The following EXOC4 variants were observed in gnomAD, a reference collection of about 807,000 sequenced individuals.
EXOC4 encodes SEC8-like 1.
EXOC4 carries 71 observed loss-of-function variants against 107.2 expected under a neutral mutation model. The ratio of observed to expected loss-of-function variants is 0.66; its 90% confidence interval spans 0.55 to 0.81. The LOEUF (loss-of-function observed/expected upper bound fraction) is 0.81, where lower values mean the gene tolerates loss of function less well. Among genes scored for constraint, EXOC4 ranks in the 30% least tolerant of loss-of-function variants. The pLI is 0.00. For synonymous variants in EXOC4, 456 were observed against 441.2 expected, an observed-to-expected ratio of 1.03 and a Z score of -0.42; for missense variants, 1,108 against 1,189.6, an observed-to-expected ratio of 0.93 and a Z score of 1.01.
At chr7:133,499,781 A>T (rs995827025) in intron 9 of EXOC4, among the ~76,000 whole-genome samples, 1 of 152,106 alleles carries the variant, frequency 6.6e-6, no homozygotes, top group Non-Finnish European at 1.5e-5. Flanking sequence ...TGCTCATGCC[A>T]TGTAAGAAGC....
Position 133,415,975 on chromosome 7 carries a change from T to C in EXOC4, c.1182+40973T>C, listed in dbSNP as rs187797105. Reference sequence around the variant, plus strand: ...TCTAAGTTGGAGAATCATTTATTAGTACAGATACTAAGGAAAGGTTGTCAA... The same window carrying C: ...TCTAAGTTGGAGAATCATTTATTAGCACAGATACTAAGGAAAGGTTGTCAA... On this transcript the variant is annotated intron_variant, in intron 7 of 17. Coordinates refer to ENST00000253861, the MANE Select transcript of EXOC4 (RefSeq NM_021807.4). 3.3e-5 allele frequency among the ~76,000 whole-genome samples: 5 copies of C among 152,266 alleles called. No individual in the cohort carries two copies. The East Asian group carries it at 9.7e-4, about 29-fold the overall frequency.
At chr7:133,895,829 G>C in intron 12 of EXOC4, 94 bp downstream of exon 12, 2 of 1,358,068 alleles carry the variant, frequency 1.5e-6, no homozygotes, top group Non-Finnish European at 2.0e-6. Flanking sequence ...TTTCCAAAAG[G>C]ATCATCTCTG....
chr7:133,861,483 C>T (rs1489616013), intron 11 of EXOC4, among the ~76,000 whole-genome samples: 1 of 152,284 alleles, frequency 6.6e-6, no homozygotes, highest in East Asian at 1.9e-4. Flanking sequence ...CCCACAGATT[C>T]TGATTCTCTG....
intron 7 of EXOC4, among the ~76,000 whole-genome samples, chr7:133,432,588 G>A (rs947543082): frequency 8.5e-5 from 13 of 152,138 alleles, no homozygotes; most frequent in Admixed American, 2.6e-4. Flanking sequence ...CTGGTATGTG[G>A]TTGATAAGTT....
intron 11 of EXOC4, among the ~76,000 whole-genome samples, chr7:133,855,082 A>AATATATATATATATAT (rs1293998031): frequency 1.3e-5 from 1 of 76,758 alleles, no homozygotes; most frequent in African/African-American, 8.5e-5. Flanking sequence ...AATATATCTA[A>AATATATATATATATAT]ATATATATAA....
chr7:133,476,883 C>T (rs1353643691), intron 8 of EXOC4, among the ~76,000 whole-genome samples: 1 of 152,150 alleles, frequency 6.6e-6, no homozygotes, highest in Admixed American at 6.5e-5. Context: ...CCATCCTCAA[C>T]ACATTAGTAA....
In EXOC4 at chr7:133,576,754, T is replaced by C. The variant is rs1278628177; in HGVS notation, c.1418-53291T>C. On this transcript the variant is annotated intron_variant, in intron 9 of 17. Coordinates refer to ENST00000253861, the MANE Select transcript of EXOC4 (RefSeq NM_021807.4). ...GAGGATATTGGTCTACAGGGTACTA[T>C]TGGAGAGGTAACTGTGAGGCTTTTA... The C allele has an allele frequency of 3.1e-6, 4 of 1,289,588 alleles. No individual in the cohort carries two copies. In the African/African-American group the frequency reaches 4.6e-5, roughly 15 times the overall value. The allele number at this position is 1,289,588 out of a possible 1,614,324, so 79.9% of individuals were successfully genotyped here.
chr7:133,831,857 G>A (rs1797818219), intron 11 of EXOC4, among the ~76,000 whole-genome samples: 1 of 152,060 alleles, frequency 6.6e-6, no homozygotes, highest in African/African-American at 2.4e-5. Flanking sequence ...ATTTACGTCT[G>A]TATTAAGCTA....
At chr7:133,289,989 A>G (rs986562647) in intron 3 of EXOC4, among the ~76,000 whole-genome samples, 37 of 152,336 alleles carry the variant, frequency 2.4e-4, no homozygotes, top group African/African-American at 8.9e-4. Flanking sequence ...AAAAACACTG[A>G]GGGGAATTGG....
At chr7:133,677,929 T>A (rs1262916673) in intron 10 of EXOC4, among the ~76,000 whole-genome samples, 1 of 152,212 alleles carries the variant, frequency 6.6e-6, no homozygotes, top group Non-Finnish European at 1.5e-5. Flanking sequence ...TATAATGTGT[T>A]CAACAGTGTA....
chr7:133,634,512 C>T (rs531035970), intron 10 of EXOC4, among the ~76,000 whole-genome samples: 20 of 151,730 alleles, frequency 1.3e-4, no homozygotes, highest in African/African-American at 3.9e-4. Flanking sequence ...TTTAAATAGA[C>T]GGAGTCTCAC....
chr7:133,544,147 A>G (rs1407334045), intron 9 of EXOC4, among the ~76,000 whole-genome samples: 2 of 152,132 alleles, frequency 1.3e-5, no homozygotes, highest in African/African-American at 4.8e-5. Context: ...TCTAAACAGA[A>G]CAAAGATTCC....
chr7:133,676,994 G>T (rs1224249291), intron 10 of EXOC4, among the ~76,000 whole-genome samples: 3 of 142,160 alleles, frequency 2.1e-5, no homozygotes, highest in African/African-American at 7.9e-5. Context: ...ACAAAGTGAT[G>T]AATCACCAAG....
intron 11 of EXOC4, among the ~76,000 whole-genome samples, chr7:133,889,027 T>A (rs55886636): frequency 0.15 from 23,207 of 152,234 alleles, 2,095 homozygotes; most frequent in African/African-American, 0.24. Flanking sequence ...GCTGTGTATG[T>A]GAAAACATTC....
intron 10 of EXOC4, among the ~76,000 whole-genome samples, chr7:133,653,339 C>T (rs1004315998): frequency 1.3e-5 from 2 of 152,182 alleles, no homozygotes; most frequent in Non-Finnish European, 2.9e-5. Flanking sequence ...TGATAAAATG[C>T]TCTCAACATA....
At chr7:133,569,359 T>C (rs2150957686) in intron 9 of EXOC4, among the ~76,000 whole-genome samples, 1 of 152,312 alleles carries the variant, frequency 6.6e-6, no homozygotes, top group South Asian at 2.1e-4. Context: ...ACGTTAGATA[T>C]GCCCAAAGGA....
In EXOC4 at chr7:133,605,606, A is replaced by G. The variant is rs6965783; in HGVS notation, c.1418-24439A>G. Among the ~76,000 whole-genome samples the G allele has an allele frequency of 2.2e-3, 328 of 152,294 alleles. 1 individual carries two copies. The highest frequency in any genetic ancestry group is 7.2e-3 in the African/African-American group (298 of 41,564). On this transcript the variant is annotated intron_variant, in intron 9 of 17. Transcript: ENST00000253861. ...TGTTTTTCCTGAAGTAAGGATGACC[A>G]TTGAAGGAGCAAGCTGGGGATTGCA...
intron 7 of EXOC4, among the ~76,000 whole-genome samples, chr7:133,452,318 A>G (rs1316601686): frequency 6.6e-6 from 1 of 152,134 alleles, no homozygotes; most frequent in Non-Finnish European, 1.5e-5. Context: ...ACTACCTTAA[A>G]TGTACACATC....
chr7:133,309,034 T>G (rs999222507), intron 4 of EXOC4, among the ~76,000 whole-genome samples: 1 of 152,184 alleles, frequency 6.6e-6, no homozygotes, highest in Non-Finnish European at 1.5e-5. Context: ...TCTTTTACCC[T>G]TCATTTGCCT....
Sources: allele counts gnomAD v4.1 joint callset (sites outside exome capture counted in the v4.1 genomes callset), GRCh38; gene constraint gnomAD v4.1.1; transcripts MANE v1.5; gene names NCBI Gene and HGNC (gene_info 2026-07-23, HGNC 2026-07-21).